The following MAF variants were observed in gnomAD, a reference collection of about 807,000 sequenced individuals.
The protein encoded by MAF is transcription factor Maf.
In MAF, 10 loss-of-function variants were observed where a neutral mutation model predicts 22.0. That is an observed-to-expected ratio of 0.45 (90% CI 0.28 to 0.77). The LOEUF (loss-of-function observed/expected upper bound fraction) is 0.77, where lower values mean the gene tolerates loss of function less well. Ranked by LOEUF, MAF falls within the 30% of genes least tolerant of loss-of-function variation. MAF has a pLI of 0.12. For missense variants in MAF, 544 were observed against 548.4 expected, an observed-to-expected ratio of 0.99 and a Z score of 0.08; for synonymous variants, 337 against 255.8, an observed-to-expected ratio of 1.32 and a Z score of -3.03.
the MAF span, among the ~76,000 whole-genome samples, chr16:79,231,682 G>C: frequency 1.3e-5 from 2 of 152,088 alleles, no homozygotes; most frequent in African/African-American, 4.8e-5. Context: ...GGAACATGCT[G>C]TTCTCAACCT....
At chr16:79,447,035 T>A in the MAF span, among the ~76,000 whole-genome samples, 1 of 151,870 alleles carries the variant, frequency 6.6e-6, no homozygotes, top group African/African-American at 2.4e-5. Context: ...ATTGGGTGTA[T>A]TCAAAATGAT....
In MAF at chr16:79,599,092, C is replaced by CCG; in HGVS notation, c.810_811insCG (p.Val271ArgfsTer5). 1 of 1,607,790 alleles carries CCG rather than the reference C, an allele frequency of 6.2e-7. No homozygotes were observed. The highest frequency in any genetic ancestry group is 1.7e-5 in the Admixed American group (1 of 59,924). On this transcript the variant is annotated frameshift_variant, in exon 1 of 2. Coordinates refer to ENST00000326043, the MANE Select transcript of MAF (RefSeq NM_005360.5). LOFTEE classifies it high-confidence loss of function. ...CGCAGCTGCCGGTTCAGCTCGCGCA[C>CCG]AGACATGGTCACCAGCTGCTCGTCG...
the MAF span, among the ~76,000 whole-genome samples, chr16:79,400,993 G>T: frequency 2.6e-5 from 4 of 152,178 alleles, no homozygotes; most frequent in Admixed American, 2.6e-4. Context: ...GTCCAGCCCT[G>T]GGGCCACAGA....
chr16:79,570,492 A>ACAGCCAT, the MAF span, among the ~76,000 whole-genome samples: 1 of 152,284 alleles, frequency 6.6e-6, no homozygotes, highest in African/African-American at 2.4e-5. Flanking sequence ...TCTCCAGCCC[A>ACAGCCAT]CAGCCATCTC....
the MAF span, among the ~76,000 whole-genome samples, chr16:79,366,375 C>G: frequency 5.4e-4 from 82 of 152,294 alleles, no homozygotes; most frequent in Admixed American, 1.6e-3. Context: ...TGCCTATGTT[C>G]AAATTCCAAG....
At chr16:79,327,813 T>G in the MAF span, among the ~76,000 whole-genome samples, 3 of 152,224 alleles carry the variant, frequency 2.0e-5, no homozygotes, top group Non-Finnish European at 4.4e-5. Context: ...AGGAGGAAAC[T>G]GAAGCCCTGT....
At chr16:79,478,845 C>A in the MAF span, among the ~76,000 whole-genome samples, 8 of 151,380 alleles carry the variant, frequency 5.3e-5, no homozygotes, top group Admixed American at 2.6e-4. Flanking sequence ...CATGGGACAC[C>A]TTTGCACCAC....
the MAF span, among the ~76,000 whole-genome samples, chr16:79,440,042 C>T: frequency 6.6e-6 from 1 of 152,184 alleles, no homozygotes; most frequent in South Asian, 2.1e-4. Context: ...AACCAGATTC[C>T]TTTGGCTCAG....
the MAF span, among the ~76,000 whole-genome samples, chr16:79,227,474 T>C: frequency 1.3e-5 from 2 of 152,094 alleles, no homozygotes; most frequent in African/African-American, 4.8e-5. Context: ...AGAGACTTTT[T>C]TTCCACTTGA....
At chr16:79,470,098 A>G in the MAF span, among the ~76,000 whole-genome samples, 1 of 152,234 alleles carries the variant, frequency 6.6e-6, no homozygotes, top group Non-Finnish European at 1.5e-5. Flanking sequence ...GTAAAGAAAG[A>G]CATTTCATCA....
the MAF span, among the ~76,000 whole-genome samples, chr16:79,272,651 G>A: frequency 1.3e-5 from 2 of 152,282 alleles, no homozygotes; most frequent in African/African-American, 2.4e-5. Context: ...AGACCGTAAA[G>A]CACACCAAGA....
At chr16:79,471,294 G>A in the MAF span, among the ~76,000 whole-genome samples, 2 of 152,174 alleles carry the variant, frequency 1.3e-5, no homozygotes, top group African/African-American at 4.8e-5. Context: ...GTCATGAAGA[G>A]CACGACAGAA....
At chr16:79,541,112 T>G in the MAF span, among the ~76,000 whole-genome samples, 1,754 of 152,134 alleles carry the variant, frequency 0.012, 37 homozygotes, top group African/African-American at 0.04. Context: ...CTGCTGCTAC[T>G]GATATTACCA....
chr16:79,203,023 C>T, the MAF span: 1 of 152,180 alleles, frequency 6.6e-6, no homozygotes, highest in Non-Finnish European at 1.5e-5. Flanking sequence ...GCATCAAGTG[C>T]TTTAAAATGC....
chr16:79,362,460 C>G, the MAF span, among the ~76,000 whole-genome samples: 1 of 152,080 alleles, frequency 6.6e-6, no homozygotes, highest in African/African-American at 2.4e-5. Flanking sequence ...TCCTTCATGT[C>G]GAATGTTTGA....
chr16:79,317,750 A>G, the MAF span, among the ~76,000 whole-genome samples: 1 of 152,058 alleles, frequency 6.6e-6, no homozygotes, highest in Non-Finnish European at 1.5e-5. Flanking sequence ...CTGGCTGCCG[A>G]TTTGCTCTGG....
chr16:79,499,514 A>G, the MAF span, among the ~76,000 whole-genome samples: 2 of 152,288 alleles, frequency 1.3e-5, no homozygotes, highest in East Asian at 3.9e-4. Flanking sequence ...CCAATCATCA[A>G]TGTGATGGTA....
At chr16:79,405,516 T>C in the MAF span, among the ~76,000 whole-genome samples, 1 of 152,204 alleles carries the variant, frequency 6.6e-6, no homozygotes, top group Admixed American at 6.5e-5. Flanking sequence ...TAGAAGTCAC[T>C]TCTTCCTCCT....
At chr16:79,367,697 T>C in the MAF span, among the ~76,000 whole-genome samples, 4 of 152,164 alleles carry the variant, frequency 2.6e-5, no homozygotes, top group African/African-American at 9.7e-5. Context: ...GAATTTTCAG[T>C]TTCACTTAAT....
Sources: allele counts gnomAD v4.1 joint callset (sites outside exome capture counted in the v4.1 genomes callset), GRCh38; gene constraint gnomAD v4.1.1; transcripts MANE v1.5; gene names NCBI Gene and HGNC (gene_info 2026-07-23, HGNC 2026-07-21).